The following FSTL4 variants were observed in gnomAD, a reference collection of about 807,000 sequenced individuals.
FSTL4 encodes follistatin like 4, also known as follistatin-related protein 4.
In FSTL4, 28 loss-of-function variants were observed where a neutral mutation model predicts 78.2. The ratio of observed to expected loss-of-function variants is 0.36; its 90% CI spans 0.27 to 0.49. The LOEUF (loss-of-function observed/expected upper bound fraction) is 0.49. Among genes scored for constraint, FSTL4 ranks in the 20% least tolerant of loss-of-function variants. FSTL4 has a pLI of 0.98. For synonymous variants in FSTL4, 422 were observed against 440.5 expected (o/e 0.96, Z 0.53); for missense variants, 922 against 1,084.9 (o/e 0.85, Z 2.11).
chr5:133,437,429 G>C (rs997010569), intron 3 of FSTL4, among the ~76,000 whole-genome samples: 1 of 147,156 alleles, frequency 6.8e-6, no homozygotes, highest in Non-Finnish European at 1.5e-5. Context: ...CTTGAAGAAA[G>C]AATATTTAGT....
intron 3 of FSTL4, among the ~76,000 whole-genome samples, chr5:133,553,703 C>A (rs1759732696): frequency 6.6e-6 from 1 of 152,164 alleles, no homozygotes; most frequent in Non-Finnish European, 1.5e-5. Flanking sequence ...TGCCCCCTCC[C>A]ATATAATCTC....
chr5:133,506,273 C>A (rs1306231911), intron 3 of FSTL4, among the ~76,000 whole-genome samples: 1 of 152,174 alleles, frequency 6.6e-6, no homozygotes, highest in African/African-American at 2.4e-5. Flanking sequence ...ACACAGGATC[C>A]GTTGGAGCCA....
chr5:133,632,927 A>G, the FSTL4 span, among the ~76,000 whole-genome samples: 2 of 151,994 alleles, frequency 1.3e-5, no homozygotes, highest in African/African-American at 2.4e-5. Flanking sequence ...GGGCTCAATG[A>G]TCCACACAAC....
chr5:133,760,164 G>C, the FSTL4 span, among the ~76,000 whole-genome samples: 20 of 152,308 alleles, frequency 1.3e-4, no homozygotes, highest in East Asian at 3.9e-3. Context: ...AGAGGCATCA[G>C]GCCCTTTGGG....
chr5:133,591,687 A>C (rs371771075), intron 2 of FSTL4, among the ~76,000 whole-genome samples: 1 of 152,036 alleles, frequency 6.6e-6, no homozygotes, highest in East Asian at 1.9e-4. Flanking sequence ...AACTCAAATG[A>C]GACAGTCTGG....
chr5:133,329,398 G>GAT (rs1208840924), intron 4 of FSTL4, among the ~76,000 whole-genome samples: 5 of 151,630 alleles, frequency 3.3e-5, no homozygotes, highest in Admixed American at 2.0e-4. Flanking sequence ...AAGAGAGAGA[G>GAT]AGATATATAT....
chr5:133,347,828 C>A (rs1754729307), intron 4 of FSTL4, among the ~76,000 whole-genome samples: 2 of 152,228 alleles, frequency 1.3e-5, no homozygotes, highest in Admixed American at 6.5e-5. Flanking sequence ...TGCATTATTT[C>A]TATTTATTTA....
rs1175456546 is a variant in FSTL4, at chr5:133,611,378, C to T, written c.-11+947G>A. Among the ~76,000 whole-genome samples the T allele has an allele frequency of 6.6e-6, 1 of 152,206 alleles. No homozygotes were observed. The highest frequency in any genetic ancestry group is 2.4e-5 in the African/African-American group (1 of 41,462). On this transcript the variant is annotated intron_variant, in intron 1 of 15. Coordinates refer to ENST00000265342, the MANE Select transcript of FSTL4 (RefSeq NM_015082.2). The surrounding 1 kb of genome is among the most constrained non-coding windows in gnomAD (Gnocchi z 4.9). Reference sequence around the variant, plus strand: ...CAGGTGGCAGGCCTGGGGTTGGCGCCGCTTTGTCGGCTGCAGGGAGCCCCA... The same window carrying T: ...CAGGTGGCAGGCCTGGGGTTGGCGCTGCTTTGTCGGCTGCAGGGAGCCCCA...
intron 4 of FSTL4, among the ~76,000 whole-genome samples, chr5:133,320,519 A>G (rs965297431): frequency 1.3e-5 from 2 of 152,212 alleles, no homozygotes; most frequent in East Asian, 1.9e-4. Context: ...ATAAAGAAAA[A>G]GAAAATAAAT....
At chr5:133,697,379 A>C in the FSTL4 span, among the ~76,000 whole-genome samples, 1 of 152,186 alleles carries the variant, frequency 6.6e-6, no homozygotes, top group African/African-American at 2.4e-5. Context: ...GGGCAGCCAC[A>C]GTATGGGATC....
intron 4 of FSTL4, among the ~76,000 whole-genome samples, chr5:133,377,873 A>G (rs948960610): frequency 6.6e-6 from 1 of 152,100 alleles, no homozygotes; most frequent in Non-Finnish European, 1.5e-5. Context: ...AAAGACAAAG[A>G]GAAAAATTTG....
At chr5:133,207,459 C>G (rs1230730751) in intron 14 of FSTL4, among the ~76,000 whole-genome samples, 1 of 152,146 alleles carries the variant, frequency 6.6e-6, no homozygotes, top group Non-Finnish European at 1.5e-5. Flanking sequence ...AAAGTTATTG[C>G]TAGTTTTTAA....
chr5:133,377,553 G>T (rs1264044281), intron 4 of FSTL4, among the ~76,000 whole-genome samples: 3 of 152,048 alleles, frequency 2.0e-5, no homozygotes, highest in African/African-American at 7.3e-5. Context: ...TTAAGAGGAG[G>T]CTGGTAGCTC....
chr5:133,499,237 G>T (rs994086984), intron 3 of FSTL4, among the ~76,000 whole-genome samples: 1 of 152,078 alleles, frequency 6.6e-6, no homozygotes, highest in African/African-American at 2.4e-5. Flanking sequence ...TCCTGGGATG[G>T]CTGGTTTAGC....
the FSTL4 span, among the ~76,000 whole-genome samples, chr5:133,703,951 G>A: frequency 6.6e-6 from 1 of 152,162 alleles, no homozygotes; most frequent in Non-Finnish European, 1.5e-5. Context: ...CCATTGAGAG[G>A]CAATATAGGA....
the FSTL4 span, among the ~76,000 whole-genome samples, chr5:133,770,224 T>G: frequency 2.6e-5 from 4 of 152,116 alleles, no homozygotes; most frequent in Admixed American, 1.3e-4. Context: ...TTAATATAAT[T>G]ATTTCTTTCC....
chr5:133,801,749 G>A, the FSTL4 span, among the ~76,000 whole-genome samples: 130 of 152,326 alleles, frequency 8.5e-4, no homozygotes, highest in Non-Finnish European at 1.6e-3. Context: ...AGGCATGGGG[G>A]AGCCAGACAG....
the FSTL4 span, among the ~76,000 whole-genome samples, chr5:133,763,598 G>A: frequency 6.6e-6 from 1 of 152,156 alleles, no homozygotes; most frequent in South Asian, 2.1e-4. Flanking sequence ...CAGACAGCAG[G>A]ATCCCATCCA....
chr5:133,250,831 C>A (rs1301974581), intron 6 of FSTL4, among the ~76,000 whole-genome samples: 1 of 152,232 alleles, frequency 6.6e-6, no homozygotes, highest in Non-Finnish European at 1.5e-5. Context: ...TGGCTCCGCC[C>A]TGGGCTCACA....
Sources: gnomAD v4.1 joint callset for allele counts (sites outside exome capture counted in the v4.1 genomes callset) on GRCh38, gnomAD v4.1.1 for gene constraint, Gnocchi (gnomAD v3.1) non-coding constraint, MANE v1.5 for transcripts, NCBI Gene and HGNC (gene_info 2026-07-23, HGNC 2026-07-21) for gene names.